MED12: variants seen among roughly 807,000 people sequenced by gnomAD.
MED12 encodes the protein mediator complex subunit 12.
Under a neutral mutation model 177.7 loss-of-function variants are expected in MED12, and 10 were observed. The observed-to-expected ratio is 0.06, with a 90% CI of 0.03 to 0.10. MED12 has a LOEUF of 0.10. Among genes scored for constraint, MED12 ranks in the 10% least tolerant of loss-of-function variants. MED12 has a pLI of 1.00. For synonymous variants in MED12, 641 were observed against 678.4 expected (o/e 0.94, Z 0.86); for missense variants, 867 against 1,780.8 (o/e 0.49, Z 9.23).
intron 37 of MED12, 66 bp from the exon 38 acceptor site, chrX:71,136,813 C>T: frequency 8.4e-7 from 1 of 1,196,485 alleles, no homozygotes; most frequent in Non-Finnish European, 1.1e-6. Flanking sequence ...TTACCTCATT[C>T]TCCCCCAGCT....
intron 10 of MED12, 36 bp downstream of exon 10, chrX:71,122,910 T>C (rs1266553379): frequency 8.3e-7 from 1 of 1,200,162 alleles, no homozygotes; most frequent in South Asian, 1.8e-5. Context: ...GCAAAAAACA[T>C]TGCAAGAGCA....
intron 11 of MED12, 36 bp from the exon 12 acceptor site, chrX:71,123,558 A>G: frequency 3.3e-6 from 4 of 1,209,231 alleles, no homozygotes; most frequent in Non-Finnish European, 3.4e-6. Flanking sequence ...GAAGCAGGTA[A>G]AAGTCAGTTC....
intron 4 of MED12, 120 bp from the exon 5 acceptor site, chrX:71,120,851 A>C: frequency 1.2e-6 from 1 of 864,211 alleles, no homozygotes; most frequent in Non-Finnish European, 1.7e-6. Context: ...CTCGTGATCC[A>C]CCTGCCTCAG....
chrX:71,121,519 C>T, intron 6 of MED12, 43 bp from the exon 7 acceptor site: 1 of 1,210,592 alleles, frequency 8.3e-7, no homozygotes, highest in African/African-American at 1.7e-5. Context: ...AGAGCAGGGT[C>T]CCCTGGAGAG....
chrX:71,130,437 A>G lies in MED12; in HGVS notation c.4047+223A>G, dbSNP rs73539609. Among the ~76,000 whole-genome samples, 4,901 of 112,531 alleles carry G rather than the reference A, an allele frequency of 0.044. 239 individuals are homozygous for G. The highest frequency in any genetic ancestry group is 0.14 in the African/African-American group (4,252 of 30,899). The stretch of plus-strand genomic sequence containing the variant: ...AAGAGTATTAGGTGAGGGCATAGCT[A>G]TCTGGAGTGAATCTAGCTTATCAAT... On this transcript the variant is annotated intron_variant, in intron 28 of 44. Coordinates refer to ENST00000374080, the MANE Select transcript of MED12 (RefSeq NM_005120.3).
intron 33 of MED12, 126 bp downstream of exon 33, chrX:71,133,338 T>A (rs1221368551): frequency 3.0e-6 from 1 of 329,491 alleles, no homozygotes; most frequent in Non-Finnish European, 5.3e-6. Context: ...CTTGAAGGGT[T>A]TTTTTTTTTT....
In MED12 at chrX:71,141,227, T is replaced by TAGC. The variant is rs748394417; in HGVS notation, c.6276_6278dup. On this transcript the variant is annotated splice_region_variant and splice_polypyrimidine_tract_variant and intron_variant, in intron 42 of 44. Coordinates refer to ENST00000374080, the MANE Select transcript of MED12 (RefSeq NM_005120.3). ...TTCTGAAGTATCTTTTGTGTTCTTA[T>TAGC]AGCAGCAGCAGCAACAGCAACAGCA... is the stretch of plus-strand genomic sequence containing the variant. The TAGC allele has an allele frequency of 1.0e-5, 12 of 1,152,873 alleles. No homozygotes were observed. Among genetic ancestry groups the TAGC allele is most frequent in the Admixed American group, 8.0e-5 (3 of 37,354 alleles).
intron 43 of MED12, among the ~76,000 whole-genome samples, chrX:71,141,638 AAAT>A (rs1360692479): frequency 9.0e-6 from 1 of 111,271 alleles, no homozygotes; most frequent in African/African-American, 3.3e-5. Flanking sequence ...AAAATACAAA[AAAT>A]AATAATAATA....
intron 4 of MED12, among the ~76,000 whole-genome samples, chrX:71,120,665 C>T (rs370838325): frequency 9.2e-6 from 1 of 109,289 alleles, no homozygotes; most frequent in African/African-American, 3.3e-5. Context: ...GGCTAGAGTG[C>T]AGTGGCAGGA....
At chrX:71,132,661 T>C (rs1376560244) in intron 31 of MED12, 123 bp downstream of exon 31, 3 of 922,160 alleles carry the variant, frequency 3.3e-6, no homozygotes, top group East Asian at 6.8e-5. Context: ...AGGATAAGAG[T>C]GGGCATGGCT....
chrX:71,120,538 G>A (rs2092286649), intron 4 of MED12, among the ~76,000 whole-genome samples: 1 of 110,346 alleles, frequency 9.1e-6, no homozygotes, highest in Admixed American at 9.7e-5. Flanking sequence ...GGTGGGATTT[G>A]ACTAGAGACT....
chrX:71,137,478 A>T, intron 39 of MED12, 80 bp from the exon 40 acceptor site: 1 of 1,152,428 alleles, frequency 8.7e-7, no homozygotes, highest in Non-Finnish European at 1.2e-6. Context: ...CTTCACAAGG[A>T]CACTCAGGGT....
At position 71,129,817 on chromosome X, in the gene MED12, G is replaced by A; in HGVS notation, c.3829G>A (p.Val1277Ile). 3.3e-6 allele frequency: 4 copies of A among 1,211,906 alleles called. No individual in the cohort carries two copies. The highest frequency in any genetic ancestry group is 4.5e-6 in the Non-Finnish European group (4 of 895,467). Residue 1277 changes from valine (V) to isoleucine (I), a missense_variant, in exon 27 of 45, where the codon GTC (valine) becomes ATC (isoleucine). By Grantham distance (29) the Val-to-Ile change is conservative. This residue lies in a region of MED12 where 11 missense variants were observed against 48.4 expected (regional missense o/e 0.23). Coordinates refer to ENST00000374080, the MANE Select transcript of MED12 (RefSeq NM_005120.3). ...CTCTGTGGAGACAGCCAGTCTGGATGTCTATGCCAAGTACGTGCTGCGCAG... is the reference window on the plus strand; with the variant it reads ...CTCTGTGGAGACAGCCAGTCTGGATATCTATGCCAAGTACGTGCTGCGCAG... The part of the protein sequence containing the change: ...NISVETASLD[V>I]YAKYVLRSIC...
chrX:71,137,547 T>G lies in MED12; in HGVS notation c.5749-11T>G, dbSNP rs948527509. The G allele has an allele frequency of 2.4e-5, 29 of 1,204,816 alleles. No homozygotes were observed. The highest frequency in any genetic ancestry group is 3.3e-5 in the Non-Finnish European group (29 of 890,355). ...TTCCTGAGTTTGAGTTGTTCTCTTT[T>G]CTCCCTTTAGCAGAGTCAGGGCATG... is the stretch of plus-strand genomic sequence containing the variant. On this transcript the variant is annotated splice_polypyrimidine_tract_variant and intron_variant, in intron 39 of 44. Coordinates refer to ENST00000374080, the MANE Select transcript of MED12 (RefSeq NM_005120.3).
Position 71,119,893 on chromosome X carries a change from C to G in MED12, c.396+16C>G. On this transcript the variant is annotated intron_variant, in intron 3 of 44. Coordinates refer to ENST00000374080, the MANE Select transcript of MED12 (RefSeq NM_005120.3). ...AGCCAAAAAGGTAAGGTACTGTTTC[C>G]TGTCCTTCAGGCCAAGGAGGGAGCA... 1 of 1,211,088 alleles carries G rather than the reference C, an allele frequency of 8.3e-7. No homozygotes were observed. The highest frequency in any genetic ancestry group is 1.1e-6 in the Non-Finnish European group (1 of 894,906).
In MED12 at chrX:71,132,837, G is replaced by A. The variant is rs770256156; in HGVS notation, c.4416-8G>A. 5.6e-6 allele frequency: 6 copies of A among 1,062,121 alleles called. No individual in the cohort carries two copies. Among genetic ancestry groups the A allele is most frequent in the Non-Finnish European group, 7.6e-6 (6 of 790,443 alleles). 87.5% of individuals were successfully genotyped at this position (1,062,121 alleles called of 1,213,427 possible). The stretch of plus-strand genomic sequence containing the variant: ...TCTCTTCTCTTCTCTTCTTTCTCTT[G>A]TCTCTAGCATGTCCCTATTGAGCCA... On this transcript the variant is annotated splice_region_variant and splice_polypyrimidine_tract_variant and intron_variant, in intron 31 of 44. Coordinates refer to ENST00000374080, the MANE Select transcript of MED12 (RefSeq NM_005120.3).
rs2092287652 is a variant in MED12, at chrX:71,120,863, C to G, written c.554-108C>G. On this transcript the variant is annotated intron_variant, in intron 4 of 44. Transcript: ENST00000374080. ...GACCTCGTGATCCACCTGCCTCAGC[C>G]TCCCAAAGTGCTGGGATTACAGGCA... The G allele has an allele frequency of 1.6e-5, 16 of 973,235 alleles. No individual in the cohort carries two copies. The South Asian group carries it at 3.2e-4, about 20-fold the overall frequency. The allele number at this position is 973,235 out of a possible 1,213,427, so 80.2% of individuals were successfully genotyped here.
rs186314926 is a variant in MED12 at position 71,138,633 on chromosome X, A to T, written c.6044+690A>T. ...TGCATGCCTGTAGTCCCAGCTACTC[A>T]GGAGGCTGAGGTGGGAAGATTGCTT... On this transcript the variant is annotated intron_variant, in intron 41 of 44. Transcript: ENST00000374080. 3.3e-3 allele frequency among the ~76,000 whole-genome samples: 363 copies of T among 110,041 alleles called. 1 individual carries two copies. Among genetic ancestry groups the T allele is most frequent in the African/African-American group, 0.011 (345 of 30,262 alleles).
intron 17 of MED12, 127 bp downstream of exon 17, chrX:71,125,840 T>C: frequency 1.5e-6 from 1 of 650,504 alleles, no homozygotes; most frequent in Non-Finnish European, 2.5e-6. Flanking sequence ...TGCTTCACTG[T>C]CCCCTTCCCT....
Sources: gnomAD v4.1 joint callset for allele counts (sites outside exome capture counted in the v4.1 genomes callset) on GRCh38, gnomAD v4.1.1 for gene constraint, gnomAD v4.1.1 regional missense constraint, MANE v1.5 for transcripts, NCBI Gene and HGNC (gene_info 2026-07-23, HGNC 2026-07-21) for gene names.